Variants in LRPPRC observed in about 807,000 individuals in gnomAD.
LRPPRC encodes leucine-rich PPR motif-containing protein, mitochondrial.
In LRPPRC, 120 loss-of-function variants were observed where a neutral mutation model predicts 180.3. The ratio of observed to expected loss-of-function variants is 0.67; its 90% CI spans 0.57 to 0.77. The LOEUF (loss-of-function observed/expected upper bound fraction) is 0.77, where lower values mean the gene tolerates loss of function less well. Ranked by LOEUF, LRPPRC falls within the 30% of genes least tolerant of loss-of-function variation. LRPPRC has a pLI of 0.00. For synonymous variants in LRPPRC, 723 were observed against 600.0 expected, an observed-to-expected ratio of 1.21 and a Z score of -3.00; for missense variants, 2,012 against 1,657.2, an observed-to-expected ratio of 1.21 and a Z score of -3.72.
intron 29 of LRPPRC, among the ~76,000 whole-genome samples, chr2:43,915,220 TCTCTCTCTCTCTCACACACACA>T (rs1671410816): frequency 1.9e-5 from 2 of 104,962 alleles, no homozygotes; most frequent in Non-Finnish European, 3.5e-5. Flanking sequence ...TCTCTCTCTC[TCTCTCTCTCTCTCACACACACA>T]CACACACACA....
intron 1 of LRPPRC, among the ~76,000 whole-genome samples, chr2:43,989,493 C>T (rs1396750558): frequency 2.6e-5 from 4 of 152,214 alleles, no homozygotes; most frequent in Non-Finnish European, 4.4e-5. Flanking sequence ...GGACACTCTT[C>T]AGAATCTATG....
intron 22 of LRPPRC, among the ~76,000 whole-genome samples, 165 bp from the exon 23 acceptor site, chr2:43,944,059 C>A (rs1429207975): frequency 6.6e-6 from 1 of 152,060 alleles, no homozygotes; most frequent in East Asian, 1.9e-4. Context: ...AATTATAAAT[C>A]CACAATAGCA....
intron 1 of LRPPRC, among the ~76,000 whole-genome samples, chr2:43,983,882 C>G (rs539803913): frequency 3.9e-5 from 6 of 152,072 alleles, no homozygotes; most frequent in Non-Finnish European, 8.8e-5. Context: ...CCACTGTGAT[C>G]TGGGAGAAAT....
intron 3 of LRPPRC, among the ~76,000 whole-genome samples, chr2:43,978,030 T>G (rs1463276397): frequency 1.3e-5 from 2 of 152,150 alleles, no homozygotes; most frequent in Admixed American, 1.3e-4. Context: ...TCCATTAAAT[T>G]AATACACATT....
chr2:43,932,729 C>T (rs558069652), intron 25 of LRPPRC, among the ~76,000 whole-genome samples: 1 of 152,320 alleles, frequency 6.6e-6, no homozygotes, highest in African/African-American at 2.4e-5. Flanking sequence ...GCTTTACATA[C>T]ATTATGTGAT....
intron 34 of LRPPRC, among the ~76,000 whole-genome samples, 178 bp downstream of exon 34, chr2:43,899,041 A>G (rs1670794307): frequency 6.6e-6 from 1 of 152,138 alleles, no homozygotes; most frequent in African/African-American, 2.4e-5. Context: ...AAAACCAGTA[A>G]CCTAAAATCT....
At chr2:43,888,711 C>T in intron 37 of LRPPRC, 55 bp from the exon 38 acceptor site, 2 of 952,926 alleles carry the variant, frequency 2.1e-6, no homozygotes, top group Middle Eastern at 2.1e-4. Flanking sequence ...GGTGATGGTA[C>T]ATAACTTAAA....
Position 43,945,388 on chromosome 2 carries a change from T to C in LRPPRC, c.2240A>G (p.Asp747Gly). The C allele has an allele frequency of 5.0e-6, 8 of 1,612,308 alleles. No homozygotes were observed. Among genetic ancestry groups the C allele is most frequent in the Non-Finnish European group, 6.8e-6 (8 of 1,178,512 alleles). The change falls in exon 22 of 38, where the codon GAC becomes GGC. Residue 747 changes from aspartate (D) to glycine (G), a missense_variant. Coordinates refer to ENST00000260665, the MANE Select transcript of LRPPRC (RefSeq NM_133259.4). The stretch of plus-strand genomic sequence containing the variant: ...TACAAGGCCTACATACTTGCCGGTG[T>C]CAAGGACAGCAGATGAATCTAAGCG... The part of the protein sequence containing the change: ...FDRLDSSAVL[D>G]TGKYVGLVRV...
At chr2:43,906,795 C>A (rs1276369148) in intron 30 of LRPPRC, among the ~76,000 whole-genome samples, 1 of 152,144 alleles carries the variant, frequency 6.6e-6, no homozygotes, top group African/African-American at 2.4e-5. Flanking sequence ...ACGACATGCC[C>A]ATTCTCTCAG....
At chr2:43,898,776 G>T (rs1670783610) in intron 34 of LRPPRC, among the ~76,000 whole-genome samples, 1 of 152,202 alleles carries the variant, frequency 6.6e-6, no homozygotes, top group African/African-American at 2.4e-5. Flanking sequence ...CAAGTGAGAA[G>T]CTGTACTTGA....
intron 13 of LRPPRC, among the ~76,000 whole-genome samples, chr2:43,958,427 T>C (rs1377296903): frequency 6.6e-6 from 1 of 152,178 alleles, no homozygotes; most frequent in Non-Finnish European, 1.5e-5. Context: ...CATGGCCCAT[T>C]TTAAGTGTTC....
chr2:43,947,218 T>G, intron 20 of LRPPRC, 39 bp downstream of exon 20: 1 of 938,502 alleles, frequency 1.1e-6, no homozygotes, highest in Admixed American at 2.1e-5. Context: ...CCAAGAATTT[T>G]TTGCCTTAAT....
chr2:43,935,869 T>A (rs956848231), intron 23 of LRPPRC, among the ~76,000 whole-genome samples: 1 of 152,208 alleles, frequency 6.6e-6, no homozygotes, highest in South Asian at 2.1e-4. Context: ...TCCCAGCACT[T>A]TGGGAGGCCA....
At chr2:43,955,906 G>A (rs1673095221) in intron 14 of LRPPRC, among the ~76,000 whole-genome samples, 1 of 152,126 alleles carries the variant, frequency 6.6e-6, no homozygotes, top group Admixed American at 6.5e-5. Flanking sequence ...AGGGGCCTCT[G>A]CAAGAGAGAT....
intron 11 of LRPPRC, among the ~76,000 whole-genome samples, chr2:43,973,353 G>A (rs967490435): frequency 1.3e-5 from 2 of 151,926 alleles, no homozygotes; most frequent in Non-Finnish European, 2.9e-5. Context: ...AAAAAACTAC[G>A]TTCATTAAGT....
intron 1 of LRPPRC, among the ~76,000 whole-genome samples, chr2:43,992,489 C>G (rs1021261835): frequency 6.6e-6 from 1 of 152,150 alleles, no homozygotes; most frequent in Non-Finnish European, 1.5e-5. Flanking sequence ...TCATAAAGCA[C>G]CTGTGCTAAA....
At position 43,901,518 on chromosome 2, in the gene LRPPRC, A is replaced by G. The variant is rs75793511; in HGVS notation, c.3371T>C (p.Val1124Ala). 8 of 1,609,994 alleles carry G rather than the reference A, an allele frequency of 5.0e-6. No individual in the cohort carries two copies. The highest frequency in any genetic ancestry group is 6.8e-6 in the Non-Finnish European group (8 of 1,176,312). ...ATCCAATACTGTTTTCAGTGTTGTC[A>G]CAGCCTCTAAAATACAAGAGCAGGA... ...QVRRDYLKEA[V>A]TTLKTVLDQQ... The change falls in exon 32 of 38, where the codon GTG becomes GCG. Residue 1124 changes from valine to alanine, a missense_variant. By Grantham distance (64) the Val-to-Ala change is moderately conservative. Transcript: ENST00000260665.
At chr2:43,976,872 T>C in intron 5 of LRPPRC, 122 bp downstream of exon 5, 1 of 773,770 alleles carries the variant, frequency 1.3e-6, no homozygotes, top group South Asian at 1.6e-5. Context: ...ATTTTCTAGA[T>C]TAAAACAGTT....
chr2:43,951,863 A>G (rs1218211016), intron 14 of LRPPRC, among the ~76,000 whole-genome samples: 1 of 152,242 alleles, frequency 6.6e-6, no homozygotes, highest in Non-Finnish European at 1.5e-5. Flanking sequence ...TACTTTAACC[A>G]TATATTTTTA....
Sources: allele counts gnomAD v4.1 joint callset (sites outside exome capture counted in the v4.1 genomes callset), GRCh38; gene constraint gnomAD v4.1.1; transcripts MANE v1.5; gene names NCBI Gene and HGNC (gene_info 2026-07-23, HGNC 2026-07-21).